MYH7B: variants seen among roughly 807,000 people sequenced by gnomAD.
MYH7B encodes the protein myosin-7B.
In MYH7B, 205 loss-of-function variants were observed where a neutral mutation model predicts 234.5. The observed-to-expected ratio is 0.87, with a 90% CI of 0.78 to 0.98. MYH7B has a LOEUF of 0.98. Among genes scored for constraint, MYH7B ranks in the 50% least tolerant of loss-of-function variants. The probability of loss-of-function intolerance (pLI) is 0.00; values close to 1 mark genes in which losing one functional copy is unlikely to be tolerated. For synonymous variants in MYH7B, 1,193 were observed against 1,105.0 expected (o/e 1.08, Z -1.58); for missense variants, 2,652 against 2,633.4 (o/e 1.01, Z -0.15).
At chr20:34,987,596 G>A in exon 17 of MYH7B, 4 of 1,614,076 alleles carry the variant, frequency 2.5e-6, no homozygotes, top group Non-Finnish European at 3.4e-6. Flanking sequence ...GTCAGCAGTG[G>A]GGACCTCCTC....
At chr20:34,993,182 C>T (rs1274510043) in exon 25 of MYH7B, 12 of 1,614,002 alleles carry the variant, frequency 7.4e-6, no homozygotes, top group South Asian at 2.2e-5. Flanking sequence ...CTGCTGGGCT[C>T]GCTGGACTTG....
chr20:34,997,027 C>T, intron 30 of MYH7B, 56 bp from the exon 31 acceptor site: 1 of 1,519,390 alleles, frequency 6.6e-7, no homozygotes. Flanking sequence ...TATGGGGTCC[C>T]AGGCGGGTGG....
intron 2 of MYH7B, among the ~76,000 whole-genome samples, chr20:34,970,966 A>G (rs1436332278): frequency 6.6e-6 from 1 of 152,142 alleles, no homozygotes; most frequent in Non-Finnish European, 1.5e-5. Context: ...GCGGCATGTC[A>G]GAGACCTGGA....
At chr20:34,971,403 C>G (rs2081792602) in intron 2 of MYH7B, among the ~76,000 whole-genome samples, 1 of 152,174 alleles carries the variant, frequency 6.6e-6, no homozygotes, top group Non-Finnish European at 1.5e-5. Context: ...CCCCCTCCCC[C>G]CAGTAACCTT....
intron 4 of MYH7B, 55 bp downstream of exon 4, chr20:34,977,735 T>TGG: frequency 6.1e-6 from 1 of 164,858 alleles, no homozygotes; most frequent in Non-Finnish European, 1.1e-5. Flanking sequence ...GGTGGGCGGG[T>TGG]GGGTGAGGGT....
exon 21 of MYH7B, chr20:34,990,056 C>A (rs754655328): frequency 4.3e-6 from 7 of 1,614,062 alleles, no homozygotes; most frequent in Non-Finnish European, 5.1e-6. Flanking sequence ...AAACAAGGAT[C>A]CCCTGAATGA....
chr20:35,001,587 G>A (rs2082385083), intron 43 of MYH7B, 61 bp downstream of exon 43: 1 of 1,420,912 alleles, frequency 7.0e-7, no homozygotes, highest in South Asian at 1.2e-5. Flanking sequence ...CAGGGTCTGT[G>A]GCCAGGTGAG....
At chr20:34,982,701 G>A in intron 10 of MYH7B, 146 bp downstream of exon 10, 2 of 699,650 alleles carry the variant, frequency 2.9e-6, no homozygotes, top group Non-Finnish European at 4.6e-6. Context: ...CCTGGTGGGG[G>A]ACTCTGGCCT....
intron 2 of MYH7B, among the ~76,000 whole-genome samples, chr20:34,963,249 C>T (rs575470193): frequency 6.6e-6 from 1 of 152,322 alleles, no homozygotes; most frequent in African/African-American, 2.4e-5. Context: ...AGATGTGGAA[C>T]CCATGGATAT....
chr20:34,963,741 G>A (rs2081718972), intron 2 of MYH7B, among the ~76,000 whole-genome samples: 1 of 152,100 alleles, frequency 6.6e-6, no homozygotes, highest in African/African-American at 2.4e-5. Flanking sequence ...TTCATTTTGA[G>A]TTAATTTTTA....
Position 34,988,024 on chromosome 20 carries a change from G to C in MYH7B, c.1417-68G>C. ...GCCTGGAAGTTGGGGGTGAACTCAT[G>C]CCCCTCCCCGGGCCTCCCTTTCCCC... On this transcript the variant is annotated intron_variant, in intron 18 of 44. Coordinates refer to ENST00000262873, the Ensembl canonical transcript of MYH7B. 4 of 1,575,894 alleles carry C rather than the reference G, an allele frequency of 2.5e-6. No individual in the cohort carries two copies. In the South Asian group the frequency reaches 4.8e-5, roughly 19 times the overall value.
At chr20:34,986,748 C>A (rs1402991917) in intron 14 of MYH7B, 138 bp from the exon 15 acceptor site, 5 of 669,618 alleles carry the variant, frequency 7.5e-6, no homozygotes, top group Middle Eastern at 2.5e-4. Context: ...AGGCCCCAGA[C>A]TGGGAGATGA....
intron 9 of MYH7B, 28 bp from the exon 10 acceptor site, chr20:34,982,431 T>C (rs370370712): frequency 7.7e-5 from 124 of 1,607,242 alleles, no homozygotes; most frequent in Non-Finnish European, 9.5e-5. Context: ...CAGATGGGCA[T>C]TGGTGACTCA....
intron 2 of MYH7B, among the ~76,000 whole-genome samples, chr20:34,973,264 G>T (rs534584095): frequency 6.6e-6 from 1 of 152,180 alleles, no homozygotes; most frequent in Admixed American, 6.5e-5. Context: ...AAGCCACTGC[G>T]CCCAGCCTTC....
intron 28 of MYH7B, 78 bp from the exon 29 acceptor site, chr20:34,996,268 G>A: frequency 3.4e-6 from 5 of 1,489,106 alleles, no homozygotes; most frequent in Non-Finnish European, 9.0e-7. Context: ...AGGGGCACTT[G>A]CTCTGACCTG....
Position 34,979,373 on chromosome 20 carries a change from C to T in MYH7B, c.92-17C>T, listed in dbSNP as rs761009520. The T allele has an allele frequency of 2.5e-6, 4 of 1,596,904 alleles. No homozygotes were observed. The South Asian group carries it at 4.5e-5, about 18-fold the overall frequency. ...CCTCAGCCCCTCTCTGAGTCCAGAG[C>T]TCTCTCTGCAACCCAGGGAAGAAGC... On this transcript the variant is annotated splice_polypyrimidine_tract_variant and intron_variant, in intron 5 of 44. Coordinates refer to ENST00000262873, the Ensembl canonical transcript of MYH7B.
At chr20:34,997,480 T>C (rs2147232905) in exon 32 of MYH7B, 2 of 1,540,682 alleles carry the variant, frequency 1.3e-6, no homozygotes, top group East Asian at 5.0e-5. Flanking sequence ...GAGGCCACAG[T>C]GGCGGCACTG....
At chr20:34,984,021 C>T (rs957374876) in intron 10 of MYH7B, among the ~76,000 whole-genome samples, 9 of 152,182 alleles carry the variant, frequency 5.9e-5, no homozygotes, top group South Asian at 2.1e-4. Flanking sequence ...CACACAGGAC[C>T]GCTGTGGCGT....
At chr20:34,956,617 T>C (rs1425215022) in intron 1 of MYH7B, among the ~76,000 whole-genome samples, 5 of 152,230 alleles carry the variant, frequency 3.3e-5, no homozygotes, top group African/African-American at 1.2e-4. Context: ...TCTGATAAGA[T>C]AGGCAATAAA....
Sources: gnomAD v4.1 joint callset for allele counts (sites outside exome capture counted in the v4.1 genomes callset) on GRCh38, gnomAD v4.1.1 for gene constraint, MANE v1.5 for transcripts, NCBI Gene and HGNC (gene_info 2026-07-23, HGNC 2026-07-21) for gene names.